Variants in SGCD observed in about 807,000 individuals in gnomAD.
The protein encoded by SGCD is sarcoglycan delta, also known as delta-sarcoglycan.
Under a neutral mutation model 36.6 loss-of-function variants are expected in SGCD, and 18 were observed. The observed-to-expected ratio is 0.49, with a 90% confidence interval of 0.34 to 0.73. The LOEUF is 0.73. Ranked by LOEUF, SGCD falls within the 30% of genes least tolerant of loss-of-function variation. SGCD has a pLI of 0.01. For synonymous variants in SGCD, 133 were observed against 130.6 expected, an observed-to-expected ratio of 1.02 and a Z score of -0.12; for missense variants, 387 against 346.7, an observed-to-expected ratio of 1.12 and a Z score of -0.92.
chr5:156,563,223 C>A (rs572821900), intron 4 of SGCD, among the ~76,000 whole-genome samples: 3 of 152,110 alleles, frequency 2.0e-5, no homozygotes, highest in Admixed American at 6.5e-5. Context: ...CTCAGGTGAT[C>A]CACCCACCTC....
In SGCD at chr5:156,444,086, CTCTCTCTCTCTCTCTCTCTCTCTCTCT is replaced by C. The variant is rs1434183716; in HGVS notation, c.193-64514_193-64488del. Among the ~76,000 whole-genome samples the C allele has an allele frequency of 6.9e-3, 790 of 115,094 alleles. 18 individuals are homozygous for C. Among genetic ancestry groups the C allele is most frequent in the African/African-American group, 0.028 (736 of 26,272 alleles). The allele number at this position is 115,094 out of a possible 152,430, so 75.5% of individuals were successfully genotyped here. A position where few individuals can be genotyped will look rare whatever the true frequency, so the allele number is the denominator to read the frequency against. ...TCCTTCTCTCTCTCTCTCTCTCTCT[CTCTCTCTCTCTCTCTCTCTCTCTCTCT>C]CTCCCCTTCCCTCTCTCTCTCTCTC... On this transcript the variant is annotated intron_variant, in intron 3 of 8. Transcript: ENST00000337851.
intron 3 of SGCD, among the ~76,000 whole-genome samples, chr5:156,138,456 T>C (rs1214015085): frequency 2.0e-5 from 3 of 152,200 alleles, no homozygotes; most frequent in Non-Finnish European, 4.4e-5. Flanking sequence ...TTATGGGATA[T>C]ATTCTATTGT....
In SGCD at chr5:156,762,980, C is replaced by A. The variant is rs990694058; in HGVS notation, c.*3590C>A. 6.6e-6 allele frequency: 1 copy of A among 152,354 alleles called. No homozygotes were observed. Among genetic ancestry groups the A allele is most frequent in the Non-Finnish European group, 1.5e-5 (1 of 68,034 alleles). The allele number at this position is 152,354 out of a possible 1,614,324, so 9.4% of individuals were successfully genotyped here. A position where few individuals can be genotyped will look rare whatever the true frequency, so the allele number is the denominator to read the frequency against. On this transcript the variant is annotated 3_prime_UTR_variant, in exon 9 of 9. Coordinates refer to ENST00000337851, the MANE Select transcript of SGCD (RefSeq NM_000337.6). ...CCTTATGTTACATGTGGAAAGCCTGCCTTCCAAGACATGTGGAAGTAATTG... is the reference window on the plus strand; with the variant it reads ...CCTTATGTTACATGTGGAAAGCCTGACTTCCAAGACATGTGGAAGTAATTG...
intron 6 of SGCD, among the ~76,000 whole-genome samples, chr5:156,620,658 A>G (rs1056325080): frequency 2.6e-5 from 4 of 152,226 alleles, no homozygotes; most frequent in African/African-American, 9.6e-5. Flanking sequence ...GCAGCTTCCT[A>G]TGCAGCAGCA....
the SGCD span, among the ~76,000 whole-genome samples, chr5:155,736,738 A>G: frequency 2.2e-4 from 34 of 152,154 alleles, no homozygotes; most frequent in African/African-American, 7.5e-4. Context: ...TACTATTGCC[A>G]TTTATTGAGT....
chr5:155,730,869 A>G, the SGCD span, among the ~76,000 whole-genome samples: 1 of 152,088 alleles, frequency 6.6e-6, no homozygotes, highest in South Asian at 2.1e-4. Flanking sequence ...CGCCCTCCTC[A>G]CCCAGGGCCT....
intron 6 of SGCD, among the ~76,000 whole-genome samples, chr5:156,628,986 A>G (rs1762531650): frequency 6.6e-6 from 1 of 152,256 alleles, no homozygotes; most frequent in African/African-American, 2.4e-5. Context: ...CAACCCATGT[A>G]AAATTTATAC....
chr5:156,399,889 T>A (rs528579245), intron 3 of SGCD, among the ~76,000 whole-genome samples: 4 of 152,304 alleles, frequency 2.6e-5, no homozygotes, highest in South Asian at 2.1e-4. Flanking sequence ...TTTGTTCCTG[T>A]CACTATATAT....
intron 3 of SGCD, among the ~76,000 whole-genome samples, chr5:156,364,109 TGCTGAGAAA>T (rs1769955923): frequency 6.6e-6 from 1 of 152,258 alleles, no homozygotes; most frequent in South Asian, 2.1e-4. Flanking sequence ...GAGGAGGGGA[TGCTGAGAAA>T]GCAGTCACAG....
intron 1 of SGCD, among the ~76,000 whole-genome samples, chr5:156,049,059 C>T (rs1255739964): frequency 6.8e-6 from 1 of 146,478 alleles, no homozygotes; most frequent in African/African-American, 2.5e-5. Flanking sequence ...CCAGTTTTCC[C>T]AGCACCATTT....
chr5:156,533,534 A>G (rs182845562), intron 4 of SGCD, among the ~76,000 whole-genome samples: 49 of 152,338 alleles, frequency 3.2e-4, no homozygotes, highest in Middle Eastern at 6.8e-3. Context: ...GTTCAGCAAA[A>G]TGAAATAAAT....
At chr5:156,107,285 T>C (rs1351451826) in intron 1 of SGCD, among the ~76,000 whole-genome samples, 1 of 152,136 alleles carries the variant, frequency 6.6e-6, no homozygotes, top group Non-Finnish European at 1.5e-5. Flanking sequence ...GGTTAAGTGG[T>C]TTTAAATCCA....
chr5:155,988,170 A>G (rs1758366763), intron 1 of SGCD, among the ~76,000 whole-genome samples: 1 of 152,168 alleles, frequency 6.6e-6, no homozygotes. Context: ...TTCTTCTACA[A>G]CATCTCTGCA....
intron 7 of SGCD, among the ~76,000 whole-genome samples, chr5:156,669,287 C>T (rs754712704): frequency 2.0e-5 from 3 of 152,110 alleles, no homozygotes; most frequent in Non-Finnish European, 4.4e-5. Flanking sequence ...GTTAGCCAGA[C>T]ACTAGATGCT....
the SGCD span, among the ~76,000 whole-genome samples, chr5:155,827,038 A>G: frequency 6.6e-6 from 1 of 152,194 alleles, no homozygotes; most frequent in African/African-American, 2.4e-5. Context: ...ATTTAAAGCT[A>G]TGTTTGATAA....
chr5:156,449,269 T>C (rs1361346319), intron 3 of SGCD, among the ~76,000 whole-genome samples: 4 of 152,054 alleles, frequency 2.6e-5, no homozygotes. Flanking sequence ...GCAGATTTCT[T>C]CCTCTCAATT....
At position 156,541,971 on chromosome 5, in the gene SGCD, G is replaced by A. The variant is rs188177358; in HGVS notation, c.294+33269G>A. 7.6e-4 allele frequency among the ~76,000 whole-genome samples: 116 copies of A among 152,204 alleles called. 1 individual carries two copies. The highest frequency in any genetic ancestry group is 1.1e-3 in the Non-Finnish European group (75 of 68,006). On this transcript the variant is annotated intron_variant, in intron 4 of 8. Transcript: ENST00000337851. ...CATTTTATTCCTTGAAAAGTGACTA[G>A]CATTGTGCTAGGCATCTGTTGAATG... is the stretch of plus-strand genomic sequence containing the variant.
At chr5:155,856,902 T>C in the SGCD span, among the ~76,000 whole-genome samples, 1 of 152,148 alleles carries the variant, frequency 6.6e-6, no homozygotes, top group South Asian at 2.1e-4. Context: ...GGTGAGAAGA[T>C]AGTGCAACCA....
At chr5:156,309,254 A>G (rs901489532) in intron 3 of SGCD, among the ~76,000 whole-genome samples, 7 of 151,994 alleles carry the variant, frequency 4.6e-5, no homozygotes, top group Admixed American at 6.6e-5. Context: ...TCTTTTTTCC[A>G]TCTAGAAAAT....
Sources: gnomAD v4.1 joint callset for allele counts (sites outside exome capture counted in the v4.1 genomes callset) on GRCh38, gnomAD v4.1.1 for gene constraint, MANE v1.5 for transcripts, NCBI Gene and HGNC (gene_info 2026-07-23, HGNC 2026-07-21) for gene names.